Variants in DCDC1 observed in about 807,000 individuals in gnomAD.
DCDC1 encodes doublecortin domain-containing protein 1.
A neutral mutation model predicts 178.3 loss-of-function variants in DCDC1; 200 were observed. The ratio of observed to expected loss-of-function variants is 1.12; its 90% CI spans 1.00 to 1.26. DCDC1 has a LOEUF of 1.26. Among genes scored for constraint, DCDC1 ranks in the 50% most tolerant of loss-of-function variants. The pLI is 0.00. For missense variants in DCDC1, 1,983 were observed against 1,749.2 expected (o/e 1.13, Z -2.38); for synonymous variants, 690 against 604.8 (o/e 1.14, Z -2.07).
rs556767316 is a variant in DCDC1, at chr11:31,071,273, C to G, written c.2299-6120G>C. Among the ~76,000 whole-genome samples the G allele has an allele frequency of 3.9e-5, 6 of 152,244 alleles. No homozygotes were observed. The South Asian group carries it at 1.0e-3, about 26-fold the overall frequency. The stretch of plus-strand genomic sequence containing the variant: ...AAAGACATGCCACAATATATTCATA[C>G]AATCTCATTGTTGATTTCTTAACCT... On this transcript the variant is annotated intron_variant, in intron 18 of 38. Transcript: ENST00000684477.
chr11:31,007,918 C>T (rs991577236), intron 20 of DCDC1, among the ~76,000 whole-genome samples: 3 of 152,122 alleles, frequency 2.0e-5, no homozygotes, highest in Admixed American at 6.5e-5. Context: ...CTGCCTCAGC[C>T]TCCCAAAATG....
At chr11:30,985,253 C>A (rs892536717) in intron 20 of DCDC1, among the ~76,000 whole-genome samples, 1 of 152,110 alleles carries the variant, frequency 6.6e-6, no homozygotes, top group Non-Finnish European at 1.5e-5. Flanking sequence ...AAAGCTTCAG[C>A]ATGATTTGAC....
chr11:31,130,543 A>G (rs1962299494), intron 10 of DCDC1, among the ~76,000 whole-genome samples: 1 of 152,186 alleles, frequency 6.6e-6, no homozygotes, highest in Admixed American at 6.5e-5. Context: ...ACAAACAACC[A>G]GTAGCCAACA....
intron 20 of DCDC1, among the ~76,000 whole-genome samples, chr11:31,046,269 G>A (rs1348601194): frequency 6.6e-6 from 1 of 152,110 alleles, no homozygotes; most frequent in East Asian, 1.9e-4. Flanking sequence ...CATACAAGTT[G>A]TTGTGTGTCT....
intron 8 of DCDC1, among the ~76,000 whole-genome samples, chr11:31,246,626 T>C (rs933805989): frequency 6.6e-6 from 1 of 152,020 alleles, no homozygotes; most frequent in African/African-American, 2.4e-5. Flanking sequence ...TAATGTTCCT[T>C]ATCCAGCTTT....
chr11:30,996,132 T>C (rs1223261439), intron 20 of DCDC1, among the ~76,000 whole-genome samples: 2 of 152,052 alleles, frequency 1.3e-5, no homozygotes, highest in Non-Finnish European at 1.5e-5. Context: ...CGAAAGAAGA[T>C]AGACAGATGG....
chr11:31,012,173 AC>A (rs1269172851), intron 20 of DCDC1, among the ~76,000 whole-genome samples: 1 of 152,190 alleles, frequency 6.6e-6, no homozygotes, highest in East Asian at 1.9e-4. Context: ...AGCCTGCAGA[AC>A]CGTAAGCGAA....
chr11:31,019,813 C>T (rs983114433), intron 20 of DCDC1, among the ~76,000 whole-genome samples: 1 of 152,140 alleles, frequency 6.6e-6, no homozygotes, highest in African/African-American at 2.4e-5. Context: ...TTAGAATAAA[C>T]CAAGACCCTC....
chr11:30,945,941 A>C lies in DCDC1; in HGVS notation c.2715+6504T>G, dbSNP rs1301219092. On this transcript the variant is annotated intron_variant, in intron 21 of 38. Coordinates refer to ENST00000684477, the MANE Select transcript of DCDC1 (RefSeq NM_001387274.1). ...GTCCCAGTTTCTGCCTATTTAAAAC[A>C]GCCTCTTTTTTTGTTCGTTTTTTAG... is the stretch of plus-strand genomic sequence containing the variant. Among the ~76,000 whole-genome samples, 4 of 152,154 alleles carry C rather than the reference A, an allele frequency of 2.6e-5. No homozygotes were observed. The East Asian group carries it at 7.7e-4, about 29-fold the overall frequency.
intron 1 of DCDC1, among the ~76,000 whole-genome samples, chr11:31,369,167 T>TA (rs1411933723): frequency 6.6e-6 from 1 of 152,200 alleles, no homozygotes; most frequent in East Asian, 1.9e-4. Context: ...TTTCCTCATC[T>TA]ATAAAGTGGG....
At chr11:31,341,812 TACAC>T (rs34730979) in intron 1 of DCDC1, among the ~76,000 whole-genome samples, 301 of 144,564 alleles carry the variant, frequency 2.1e-3, no homozygotes, top group Non-Finnish European at 3.2e-3. Flanking sequence ...TGCATGACTA[TACAC>T]ACACACACAC....
chr11:31,165,144 C>T (rs949474426), intron 9 of DCDC1, among the ~76,000 whole-genome samples: 11 of 152,132 alleles, frequency 7.2e-5, no homozygotes, highest in Non-Finnish European at 1.2e-4. Flanking sequence ...ATCAAATTGC[C>T]TTTCCAAAAC....
intron 28 of DCDC1, among the ~76,000 whole-genome samples, chr11:30,911,057 T>A (rs1180265306): frequency 6.6e-6 from 1 of 152,146 alleles, no homozygotes; most frequent in African/African-American, 2.4e-5. Flanking sequence ...TGGGACAATT[T>A]CTCATGCTTG....
At chr11:31,302,560 CAATT>C (rs796404747) in intron 6 of DCDC1, among the ~76,000 whole-genome samples, 3 of 152,050 alleles carry the variant, frequency 2.0e-5, no homozygotes, top group East Asian at 1.9e-4. Context: ...TTTCCATACA[CAATT>C]AATATTTATG....
intron 9 of DCDC1, among the ~76,000 whole-genome samples, chr11:31,155,443 CA>C (rs1428474655): frequency 6.6e-6 from 1 of 152,186 alleles, no homozygotes; most frequent in Admixed American, 6.5e-5. Context: ...ACCCATTTCT[CA>C]AGACACAAAC....
chr11:31,076,754 G>A (rs1033926959), intron 18 of DCDC1, among the ~76,000 whole-genome samples: 17 of 152,088 alleles, frequency 1.1e-4, no homozygotes, highest in African/African-American at 3.9e-4. Context: ...CCGTGTCTAG[G>A]AAAATGGGTG....
chr11:31,163,761 T>A (rs1018967417), intron 9 of DCDC1, among the ~76,000 whole-genome samples: 1 of 152,194 alleles, frequency 6.6e-6, no homozygotes, highest in African/African-American at 2.4e-5. Context: ...ATAAGAAATA[T>A]GCTTAGAAAT....
At chr11:31,237,143 G>A (rs1160037269) in intron 9 of DCDC1, among the ~76,000 whole-genome samples, 2 of 151,842 alleles carry the variant, frequency 1.3e-5, no homozygotes, top group African/African-American at 4.8e-5. Flanking sequence ...TTATACTATT[G>A]TTTGATACCT....
Position 30,916,862 on chromosome 11 carries a change from C to A in DCDC1, c.3452+8G>T. 6.3e-7 allele frequency: 1 copy of A among 1,593,380 alleles called. No individual in the cohort carries two copies. The highest frequency in any genetic ancestry group is 8.5e-7 in the Non-Finnish European group (1 of 1,171,178). ...AATCTTTAAGAGGAATCCTTTGCAACTTTTTACCTGTGTTTCTTCTGTGGT... is the reference window on the plus strand; with the variant it reads ...AATCTTTAAGAGGAATCCTTTGCAAATTTTTACCTGTGTTTCTTCTGTGGT... On this transcript the variant is annotated splice_region_variant and intron_variant, in intron 26 of 38. Transcript: ENST00000684477.
Sources: allele counts gnomAD v4.1 joint callset (sites outside exome capture counted in the v4.1 genomes callset), GRCh38; gene constraint gnomAD v4.1.1; transcripts MANE v1.5; gene names NCBI Gene and HGNC (gene_info 2026-07-23, HGNC 2026-07-21).